The following TDRD12 variants were observed in gnomAD, a reference collection of about 807,000 sequenced individuals.
The protein encoded by TDRD12 is putative ATP-dependent RNA helicase TDRD12.
TDRD12 carries 158 observed loss-of-function variants against 133.5 expected under a neutral mutation model. The ratio of observed to expected loss-of-function variants is 1.18; its 90% CI spans 1.04 to 1.35. The LOEUF is 1.35. TDRD12 is among the 40% of genes most tolerant of loss of function. The pLI is 0.00. For missense variants in TDRD12, 1,443 were observed against 1,321.3 expected (o/e 1.09, Z -1.43); for synonymous variants, 460 against 477.9 (o/e 0.96, Z 0.49).
chr19:32,817,879 G>C (rs971051658), intron 26 of TDRD12, among the ~76,000 whole-genome samples: 1 of 145,434 alleles, frequency 6.9e-6, no homozygotes, highest in Non-Finnish European at 1.5e-5. Flanking sequence ...TAATTCCCCA[G>C]TCTCTTGCTC....
rs768268292 is a variant in TDRD12, at chr19:32,790,565, G to A, written c.1156G>A (p.Ala386Thr). 5 of 1,551,938 alleles carry A rather than the reference G, an allele frequency of 3.2e-6. No individual in the cohort carries two copies. The South Asian group carries it at 5.9e-5, about 18-fold the overall frequency. ...GTTTTTAAATCCTGATCCTTTGAGAGCTGACGGAATCTCTGATCTCCAGCA... is the reference window on the plus strand; with the variant it reads ...GTTTTTAAATCCTGATCCTTTGAGAACTGACGGAATCTCTGATCTCCAGCA... The change falls in exon 12 of 28, where the codon GCT becomes ACT. Residue 386 changes from alanine (A) to threonine (T), a missense_variant. Physicochemically the swap from Ala to Thr is moderately conservative, Grantham distance 58 (BLOSUM62 0). Transcript: ENST00000444215.
intron 2 of TDRD12, among the ~76,000 whole-genome samples, chr19:32,738,458 A>G (rs1212629528): frequency 6.6e-6 from 1 of 152,024 alleles, no homozygotes; most frequent in Non-Finnish European, 1.5e-5. Context: ...GTTGACTGGG[A>G]TGGTTTTGAG....
At chr19:32,743,356 C>A (rs995850821) in intron 4 of TDRD12, among the ~76,000 whole-genome samples, 2 of 148,216 alleles carry the variant, frequency 1.3e-5, no homozygotes, top group Non-Finnish European at 3.0e-5. Context: ...TAACTCCCCT[C>A]CCCTCCCCTC....
Position 32,737,258 on chromosome 19 carries a change from T to C in TDRD12, c.184-1598T>C, listed in dbSNP as rs140624055. Among the ~76,000 whole-genome samples, 427 of 151,476 alleles carry C rather than the reference T, an allele frequency of 2.8e-3. 2 individuals carry two copies. Among genetic ancestry groups the C allele is most frequent in the African/African-American group, 0.01 (415 of 41,310 alleles). The stretch of plus-strand genomic sequence containing the variant: ...TCATTCTGTCGCCCAGGCTGGAGTG[T>C]AGTGGCGCGATCTTTGGCTCACTGC... On this transcript the variant is annotated intron_variant, in intron 2 of 27. Transcript: ENST00000444215.
At chr19:32,793,793 C>CTTTTT (rs766973591) in intron 13 of TDRD12, among the ~76,000 whole-genome samples, 2 of 116,114 alleles carry the variant, frequency 1.7e-5, no homozygotes, top group African/African-American at 6.9e-5. Flanking sequence ...AAGCAAGAAT[C>CTTTTT]TTTTTTTTTT....
intron 3 of TDRD12, among the ~76,000 whole-genome samples, chr19:32,741,679 G>A (rs1381321224): frequency 1.3e-5 from 2 of 152,192 alleles, no homozygotes; most frequent in East Asian, 3.8e-4. Flanking sequence ...TGAGACAGAA[G>A]ATGGCCAGGC....
At chr19:32,777,858 T>TATA (rs59723327) in intron 11 of TDRD12, among the ~76,000 whole-genome samples, 1 of 19,482 alleles carries the variant, frequency 5.1e-5, no homozygotes, top group African/African-American at 2.2e-4. Context: ...TATATATATA[T>TATA]TTTTTTTTTT....
At chr19:32,728,133 T>G (rs1484353551) in intron 1 of TDRD12, among the ~76,000 whole-genome samples, 3 of 152,220 alleles carry the variant, frequency 2.0e-5, no homozygotes, top group Non-Finnish European at 4.4e-5. Flanking sequence ...ATGTCTGTCT[T>G]TATTTCAGTA....
chr19:32,780,274 C>T (rs948526991), intron 11 of TDRD12, among the ~76,000 whole-genome samples: 1 of 151,858 alleles, frequency 6.6e-6, no homozygotes. Context: ...TTAATAGAGA[C>T]GGGGTTTCGC....
chr19:32,786,705 T>C (rs1970917265), intron 11 of TDRD12, among the ~76,000 whole-genome samples: 1 of 152,198 alleles, frequency 6.6e-6, no homozygotes, highest in African/African-American at 2.4e-5. Flanking sequence ...TTTCTTCCAC[T>C]TGATCGAATT....
chr19:32,757,166 C>A (rs1209272084), intron 8 of TDRD12, 36 bp downstream of exon 8: 3 of 1,458,616 alleles, frequency 2.1e-6, no homozygotes, highest in Admixed American at 2.1e-5. Context: ...TCATAGGCAG[C>A]ATGAAAAAAA....
intron 11 of TDRD12, among the ~76,000 whole-genome samples, chr19:32,777,641 T>C (rs1970619463): frequency 6.6e-6 from 1 of 151,350 alleles, no homozygotes; most frequent in Non-Finnish European, 1.5e-5. Context: ...CTGTAAAATA[T>C]TTACATAGCA....
intron 1 of TDRD12, among the ~76,000 whole-genome samples, chr19:32,725,627 A>G (rs1304025475): frequency 6.6e-6 from 1 of 152,096 alleles, no homozygotes; most frequent in Non-Finnish European, 1.5e-5. Flanking sequence ...GCCTTGTAGT[A>G]TAGTTTGAAG....
At chr19:32,803,990 A>G (rs1599608599) in intron 21 of TDRD12, among the ~76,000 whole-genome samples, 4 of 152,048 alleles carry the variant, frequency 2.6e-5, no homozygotes, top group Middle Eastern at 6.8e-3. Flanking sequence ...GTGTGCACTG[A>G]GAATGTCTCC....
Position 32,745,519 on chromosome 19 carries a change from G to A in TDRD12, c.440+2619G>A, listed in dbSNP as rs112720648. On this transcript the variant is annotated intron_variant, in intron 4 of 27. Coordinates refer to ENST00000444215, the Ensembl canonical transcript of TDRD12. ...TTATTCCCACACAATATTGAATATC[G>A]TTAGACTTTCTAATTTCTGCTTGTT... is the stretch of plus-strand genomic sequence containing the variant. Among the ~76,000 whole-genome samples, 79 of 152,236 alleles carry A rather than the reference G, an allele frequency of 5.2e-4. 1 individual carries two copies. Among genetic ancestry groups the A allele is most frequent in the Middle Eastern group, 3.4e-3 (1 of 292 alleles).
rs993599532 is a variant in TDRD12, at chr19:32,827,145, T to C, written c.1050-19T>C. On this transcript the variant is annotated intron_variant, in intron 9 of 9. Coordinates refer to the TDRD12 transcript ENST00000637289. ...CTGATTAGTCTACACTTATTTGTTA[T>C]AATATCTTACTCCTTTAGTAGTGAA... 6.8e-6 allele frequency: 8 copies of C among 1,181,432 alleles called. No homozygotes were observed. The highest frequency in any genetic ancestry group is 7.4e-6 in the Non-Finnish European group (7 of 941,908). The allele number at this position is 1,181,432 out of a possible 1,614,324, so 73.2% of individuals were successfully genotyped here.
exon 10 of TDRD12, chr19:32,827,379 T>TTC (rs1568504189): frequency 1.7e-5 from 7 of 411,764 alleles, no homozygotes; most frequent in African/African-American, 1.4e-4. Context: ...TTTCTTTTTT[T>TTC]TTTTTTTTTT....
chr19:32,767,675 G>A (rs1181963893), intron 8 of TDRD12, among the ~76,000 whole-genome samples: 1 of 152,146 alleles, frequency 6.6e-6, no homozygotes, highest in East Asian at 1.9e-4. Flanking sequence ...CCAGCTAGCT[G>A]GGGGGCAGGG....
At chr19:32,738,945 A>T (rs1357041038) in exon 3 of TDRD12, 2 of 1,550,916 alleles carry the variant, frequency 1.3e-6, no homozygotes, top group Admixed American at 2.0e-5. Context: ...ACCTGGCAGA[A>T]TGTTTCCTTG....
Sources: gnomAD v4.1 joint callset for allele counts (sites outside exome capture counted in the v4.1 genomes callset) on GRCh38, gnomAD v4.1.1 for gene constraint, MANE v1.5 for transcripts, NCBI Gene and HGNC (gene_info 2026-07-23, HGNC 2026-07-21) for gene names.